GPC5: variants seen among roughly 807,000 people sequenced by gnomAD.
GPC5 encodes glypican-5.
In GPC5, 47 loss-of-function variants were observed where a neutral mutation model predicts 53.9. The ratio of observed to expected loss-of-function variants is 0.87; its 90% CI spans 0.69 to 1.11. GPC5 has a LOEUF of 1.11. GPC5 is among the 50% of genes most tolerant of loss of function. The pLI, the probability that GPC5 is intolerant of heterozygous loss-of-function variation, is 0.00. For missense variants in GPC5, 748 were observed against 713.1 expected, an observed-to-expected ratio of 1.05 and a Z score of -0.56; for synonymous variants, 286 against 263.3, an observed-to-expected ratio of 1.09 and a Z score of -0.84.
chr13:92,775,833 A>G (rs552324815), intron 7 of GPC5, among the ~76,000 whole-genome samples: 1 of 152,352 alleles, frequency 6.6e-6, no homozygotes, highest in East Asian at 1.9e-4. Flanking sequence ...GGCTTCCAAT[A>G]AATCATACAG....
intron 7 of GPC5, chr13:92,659,320 T>C (rs1029456561): frequency 2.0e-5 from 3 of 152,262 alleles, no homozygotes; most frequent in Admixed American, 2.0e-4. Context: ...CATATACAAT[T>C]TGGAAATTAA....
rs868862467 is a variant in GPC5 at position 92,525,481 on chromosome 13, A to T, written c.1562-340801A>T. Among the ~76,000 whole-genome samples, 85 of 68,338 alleles carry T rather than the reference A, an allele frequency of 1.2e-3. 1 individual carries two copies. The highest frequency in any genetic ancestry group is 4.3e-3 in the South Asian group (7 of 1,616). 44.8% of individuals were successfully genotyped at this position (68,338 alleles called of 152,430 possible). On this transcript the variant is annotated intron_variant, in intron 7 of 7. Transcript: ENST00000377067. ...GTGTGTGTGTGTGTGTGTGTGTGTG[A>T]AACAACCAGAAAAGCTTAGAAGATA...
chr13:92,330,268 GTC>G (rs1470713507), intron 7 of GPC5, among the ~76,000 whole-genome samples: 1 of 152,126 alleles, frequency 6.6e-6, no homozygotes, highest in African/African-American at 2.4e-5. Flanking sequence ...GCTGCCAGTG[GTC>G]GAGTTCTGTT....
chr13:91,605,260 T>C (rs1205587960), intron 2 of GPC5, among the ~76,000 whole-genome samples: 251 of 147,238 alleles, frequency 1.7e-3, no homozygotes, highest in Non-Finnish European at 3.3e-3. Flanking sequence ...GATCAGATAG[T>C]TGTAGAGATG....
At chr13:91,885,684 T>C (rs2039314651) in intron 5 of GPC5, among the ~76,000 whole-genome samples, 1 of 152,224 alleles carries the variant, frequency 6.6e-6, no homozygotes, top group Admixed American at 6.5e-5. Flanking sequence ...TCCTTCTCCA[T>C]GGATTTCCCT....
At chr13:92,484,143 A>G (rs1474292083) in intron 7 of GPC5, among the ~76,000 whole-genome samples, 1 of 152,074 alleles carries the variant, frequency 6.6e-6, no homozygotes, top group African/African-American at 2.4e-5. Flanking sequence ...GTTTCAGAAA[A>G]CAAAAATCAA....
At chr13:92,149,945 T>G (rs2041895348) in intron 7 of GPC5, among the ~76,000 whole-genome samples, 1 of 152,014 alleles carries the variant, frequency 6.6e-6, no homozygotes, top group African/African-American at 2.4e-5. Context: ...TACTATATGA[T>G]TATACTTTAA....
intron 3 of GPC5, among the ~76,000 whole-genome samples, chr13:91,707,096 A>G (rs148112640): frequency 2.0e-5 from 3 of 152,266 alleles, no homozygotes; most frequent in Non-Finnish European, 2.9e-5. Context: ...GACATGGTCT[A>G]AGTTAATGTT....
chr13:92,321,192 G>T (rs1260070782), intron 7 of GPC5, among the ~76,000 whole-genome samples: 2 of 152,132 alleles, frequency 1.3e-5, no homozygotes, highest in Non-Finnish European at 2.9e-5. Context: ...CTGTTATGCT[G>T]TTATAGCAAT....
At chr13:92,267,034 TGA>T (rs1361636071) in intron 7 of GPC5, among the ~76,000 whole-genome samples, 4 of 152,116 alleles carry the variant, frequency 2.6e-5, no homozygotes, top group Non-Finnish European at 4.4e-5. Flanking sequence ...TTGCTAAAAT[TGA>T]GTCTTTTATT....
intron 6 of GPC5, among the ~76,000 whole-genome samples, chr13:92,022,280 G>C (rs9516003): frequency 0.89 from 135,137 of 152,236 alleles, 60,746 homozygotes; most frequent in East Asian, 1. Context: ...GGATTACAGG[G>C]GTGAGCCACC....
intron 7 of GPC5, among the ~76,000 whole-genome samples, chr13:92,193,805 C>A (rs1162304715): frequency 1.3e-5 from 2 of 152,172 alleles, no homozygotes; most frequent in African/African-American, 4.8e-5. Flanking sequence ...TTTCAAGAGG[C>A]TTTTATTGGC....
intron 2 of GPC5, among the ~76,000 whole-genome samples, chr13:91,598,943 T>A (rs367594721): frequency 2.0e-5 from 3 of 152,254 alleles, no homozygotes; most frequent in East Asian, 3.9e-4. Context: ...AAGTATATGA[T>A]CTACTAGTAT....
intron 7 of GPC5, among the ~76,000 whole-genome samples, chr13:92,237,846 C>A (rs943169066): frequency 5.9e-5 from 9 of 152,120 alleles, no homozygotes; most frequent in African/African-American, 9.7e-5. Flanking sequence ...CAGTACTAGG[C>A]AACCACTAAT....
chr13:92,618,426 T>C (rs1884768020), intron 7 of GPC5, among the ~76,000 whole-genome samples: 1 of 151,986 alleles, frequency 6.6e-6, no homozygotes, highest in Admixed American at 6.6e-5. Flanking sequence ...TACAGAAGAT[T>C]ACAAAGTATA....
chr13:92,522,098 C>G (rs934227792), intron 7 of GPC5, among the ~76,000 whole-genome samples: 1 of 152,068 alleles, frequency 6.6e-6, no homozygotes, highest in Non-Finnish European at 1.5e-5. Context: ...GAATGGCGAT[C>G]GTTAAAAAGT....
intron 7 of GPC5, among the ~76,000 whole-genome samples, chr13:92,826,990 CT>C (rs1877871266): frequency 1.3e-5 from 2 of 152,038 alleles, no homozygotes; most frequent in South Asian, 4.1e-4. Context: ...TTAATATTTT[CT>C]AGTTAACTTG....
intron 7 of GPC5, among the ~76,000 whole-genome samples, chr13:92,646,818 G>GT (rs36143064): frequency 0.56 from 84,295 of 151,036 alleles, 27,389 homozygotes; most frequent in Non-Finnish European, 0.75. Flanking sequence ...TCAATTTTCA[G>GT]TTTTAGCTCA....
chr13:92,035,756 A>T (rs1445032252), intron 6 of GPC5, among the ~76,000 whole-genome samples: 3 of 34,676 alleles, frequency 8.7e-5, no homozygotes, highest in Non-Finnish European at 1.8e-4. Flanking sequence ...AGGAAATGTT[A>T]AAAAAAAAAA....
Sources: allele counts gnomAD v4.1 joint callset (sites outside exome capture counted in the v4.1 genomes callset), GRCh38; gene constraint gnomAD v4.1.1; transcripts MANE v1.5; gene names NCBI Gene and HGNC (gene_info 2026-07-23, HGNC 2026-07-21).